Variants in ABCA5 observed in about 807,000 individuals in gnomAD.
ABCA5 encodes the protein cholesterol transporter ABCA5.
Under a neutral mutation model 206.0 loss-of-function variants are expected in ABCA5, and 163 were observed. That is an observed-to-expected ratio of 0.79 (90% CI 0.70 to 0.90). The LOEUF is 0.90. Ranked by LOEUF, ABCA5 falls within the 40% of genes least tolerant of loss-of-function variation. ABCA5 has a pLI of 0.00. For missense variants in ABCA5, 1,859 were observed against 1,912.9 expected (o/e 0.97, Z 0.53); for synonymous variants, 609 against 613.8 (o/e 0.99, Z 0.11).
intron 3 of ABCA5, among the ~76,000 whole-genome samples, chr17:69,312,068 C>A (rs527969372): frequency 6.6e-6 from 1 of 152,094 alleles, no homozygotes; most frequent in Admixed American, 6.6e-5. Flanking sequence ...TCCAATAATG[C>A]GATGACATAT....
At chr17:69,293,230 T>G (rs910628796) in intron 11 of ABCA5, among the ~76,000 whole-genome samples, 1 of 151,974 alleles carries the variant, frequency 6.6e-6, no homozygotes, top group Non-Finnish European at 1.5e-5. Context: ...GAAGGTTTAT[T>G]TTAAGAAATT....
At chr17:69,270,274 TG>T (rs1319291943) in intron 22 of ABCA5, among the ~76,000 whole-genome samples, 1 of 152,094 alleles carries the variant, frequency 6.6e-6, no homozygotes, top group Non-Finnish European at 1.5e-5. Context: ...AATGGTTGCC[TG>T]GGTGACTTCT....
intron 8 of ABCA5, among the ~76,000 whole-genome samples, chr17:69,301,861 A>G (rs1355003455): frequency 6.6e-6 from 1 of 152,182 alleles, no homozygotes; most frequent in Non-Finnish European, 1.5e-5. Context: ...TCTAGGCTTC[A>G]GTCCTCTCAT....
rs754443823 is a variant in ABCA5, at chr17:69,289,192, A to G, written c.1887T>C (p.Val629=). The G allele has an allele frequency of 5.6e-6, 9 of 1,603,454 alleles. No individual in the cohort carries two copies. Among genetic ancestry groups the G allele is most frequent in the Non-Finnish European group, 7.6e-6 (9 of 1,176,736 alleles). The change falls in exon 14 of 39, where the codon GTT becomes GTC. Residue 629 remains valine, a synonymous_variant. Coordinates refer to ENST00000392676, the MANE Select transcript of ABCA5 (RefSeq NM_172232.4). ...QKRKLSLGIA[V]LGNPKILLLD... ...ATTTATTTACCTTTGGGTTCCCAAG[A>G]ACAGCAATTCCTAATGACAGCTTTC...
chr17:69,312,550 T>C (rs894313231), intron 3 of ABCA5, among the ~76,000 whole-genome samples: 1 of 152,228 alleles, frequency 6.6e-6, no homozygotes, highest in Non-Finnish European at 1.5e-5. Flanking sequence ...TTACAGTCTT[T>C]ATCACATATT....
At chr17:69,263,631 C>T (rs575632604) in intron 24 of ABCA5, among the ~76,000 whole-genome samples, 30 of 149,510 alleles carry the variant, frequency 2.0e-4, no homozygotes, top group Admixed American at 6.6e-4. Context: ...GTCACTGGAG[C>T]CTTTATAGTA....
Position 69,256,603 on chromosome 17 carries a change from G to A in ABCA5, c.3732-320C>T, listed in dbSNP as rs150104274. ...CCTGAGTAGCTGGGATTACAGGCACGCGCCACCATGCCCGGCTCATTTTTG... is the reference window on the plus strand; with the variant it reads ...CCTGAGTAGCTGGGATTACAGGCACACGCCACCATGCCCGGCTCATTTTTG... On this transcript the variant is annotated intron_variant, in intron 28 of 38. Coordinates refer to ENST00000392676, the MANE Select transcript of ABCA5 (RefSeq NM_172232.4). Among the ~76,000 whole-genome samples the A allele has an allele frequency of 5.7e-3, 861 of 151,020 alleles. 10 individuals are homozygous for A. Among genetic ancestry groups the A allele is most frequent in the African/African-American group, 0.019 (800 of 41,118 alleles).
chr17:69,293,833 G>GGGGTGTGTGTGT, intron 11 of ABCA5, among the ~76,000 whole-genome samples: 1 of 123,818 alleles, frequency 8.1e-6, no homozygotes, highest in African/African-American at 3.0e-5. Flanking sequence ...CAATCATACT[G>GGGGTGTGTGTGT]GTGTGTGTGT....
intron 37 of ABCA5, 164 bp downstream of exon 37, chr17:69,249,741 G>A (rs2074990550): frequency 2.3e-6 from 2 of 854,820 alleles, no homozygotes; most frequent in Admixed American, 3.2e-5. Flanking sequence ...AATAAACCGA[G>A]TCCCCAGTTT....
intron 11 of ABCA5, 120 bp downstream of exon 11, chr17:69,294,535 T>C (rs962287783): frequency 1.0e-6 from 1 of 954,574 alleles, no homozygotes; most frequent in African/African-American, 1.7e-5. Context: ...AAAAATAAAA[T>C]AAAATAAAAG....
chr17:69,322,120 C>T (rs1489956057), intron 1 of ABCA5, among the ~76,000 whole-genome samples: 1 of 152,024 alleles, frequency 6.6e-6, no homozygotes, highest in African/African-American at 2.4e-5. Flanking sequence ...GCCTGTAATC[C>T]CAGCACTTTG....
intron 22 of ABCA5, among the ~76,000 whole-genome samples, chr17:69,268,389 T>G (rs1268376920): frequency 6.6e-6 from 1 of 152,084 alleles, no homozygotes; most frequent in Non-Finnish European, 1.5e-5. Flanking sequence ...TGAAAAGCAG[T>G]TAGTATGTCC....
intron 37 of ABCA5, chr17:69,248,946 T>G (rs1435075951): frequency 6.6e-6 from 1 of 152,346 alleles, no homozygotes; most frequent in Non-Finnish European, 1.5e-5. Context: ...CAGGCTGGTC[T>G]TGAACCATGG....
chr17:69,261,186 T>A lies in ABCA5; in HGVS notation c.3503A>T (p.Tyr1168Phe). The change falls in exon 26 of 39, where the codon TAT becomes TTT. Residue 1168 changes from tyrosine to phenylalanine, a missense_variant. Transcript: ENST00000392676. ...GATTGGAATGATGATACAAAAGGCA[T>A]AATGAAGAATAGTTGCAATTGTGTA... ...MGYTIATILH[Y>F]AFCIIIPIYP... 1 of 1,608,332 alleles carries A rather than the reference T, an allele frequency of 6.2e-7. No homozygotes were observed.
chr17:69,271,222 G>A lies in ABCA5; in HGVS notation c.2832C>T (p.Asp944=). The A allele has an allele frequency of 6.2e-7, 1 of 1,613,436 alleles. No homozygotes were observed. Among genetic ancestry groups the A allele is most frequent in the Admixed American group, 1.7e-5 (1 of 59,966 alleles). The change falls in exon 21 of 39, where the codon GAC becomes GAT. Residue 944 remains aspartate, a synonymous_variant. Coordinates refer to ENST00000392676, the MANE Select transcript of ABCA5 (RefSeq NM_172232.4). ...SQNIMVTMIN[D]SDYVSVAPHS... ...GGGGAGCCACGGATACATAGTCACT[G>A]TCATTAATCATCGTCACCATTATGT...
chr17:69,286,084 C>T (rs748472987), intron 16 of ABCA5, 47 bp from the exon 17 acceptor site: 14 of 1,577,712 alleles, frequency 8.9e-6, no homozygotes, highest in Non-Finnish European at 1.1e-5. Context: ...AATAAACAGC[C>T]AAAAGTAAAT....
At chr17:69,315,851 G>C (rs1334832835) in intron 1 of ABCA5, among the ~76,000 whole-genome samples, 1 of 150,496 alleles carries the variant, frequency 6.6e-6, no homozygotes, top group African/African-American at 2.4e-5. Context: ...AAATAACACA[G>C]ACTTTGAAAT....
chr17:69,252,021 T>TATA (rs374104476), intron 34 of ABCA5, among the ~76,000 whole-genome samples, 155 bp from the exon 35 acceptor site: 2 of 150,554 alleles, frequency 1.3e-5, no homozygotes, highest in African/African-American at 2.4e-5. Context: ...CTATGATTTT[T>TATA]TTTTTTTTGA....
At position 69,315,955 on chromosome 17, in the gene ABCA5, A is replaced by G. The variant is rs375639932; in HGVS notation, c.-15-1525T>C. 1.4e-3 allele frequency among the ~76,000 whole-genome samples: 214 copies of G among 152,282 alleles called. 2 individuals are homozygous for G. The highest frequency in any genetic ancestry group is 4.9e-3 in the African/African-American group (205 of 41,580). On this transcript the variant is annotated intron_variant, in intron 1 of 38. Coordinates refer to ENST00000392676, the MANE Select transcript of ABCA5 (RefSeq NM_172232.4). ...AATGAAAAATAGAAAATCTTAGCAA[A>G]GAAACAAGACATTAAGCAGAATCAA...
Sources: allele counts gnomAD v4.1 joint callset (sites outside exome capture counted in the v4.1 genomes callset), GRCh38; gene constraint gnomAD v4.1.1; transcripts MANE v1.5; gene names NCBI Gene and HGNC (gene_info 2026-07-23, HGNC 2026-07-21).